Variants in NTRK3 observed in about 807,000 individuals in gnomAD.
NTRK3 encodes NT-3 growth factor receptor.
A neutral mutation model predicts 91.7 loss-of-function variants in NTRK3; 24 were observed. That is an observed-to-expected ratio of 0.26 (90% CI 0.19 to 0.37). The LOEUF (loss-of-function observed/expected upper bound fraction) is 0.37, where lower values mean the gene tolerates loss of function less well. Ranked by LOEUF, NTRK3 falls within the 10% of genes least tolerant of loss-of-function variation. The pLI is 1.00. For missense variants in NTRK3, 880 were observed against 1,068.9 expected (o/e 0.82, Z 2.46); for synonymous variants, 483 against 404.0 (o/e 1.20, Z -2.34).
chr15:87,942,082 T>C (rs1478670036), intron 14 of NTRK3, among the ~76,000 whole-genome samples: 1 of 152,206 alleles, frequency 6.6e-6, no homozygotes, highest in African/African-American at 2.4e-5. Context: ...GTAGTGTTTT[T>C]TTGGTTTGGG....
chr15:88,240,053 GACAC>G lies in NTRK3; in HGVS notation c.248+15849_248+15852del, dbSNP rs74267908. Among the ~76,000 whole-genome samples the G allele has an allele frequency of 1.0e-4, 15 of 148,984 alleles. No homozygotes were observed. The highest frequency in any genetic ancestry group is 2.5e-4 in the African/African-American group (10 of 40,644). ...ATATACACACACAGCGACACACACA[GACAC>G]ACACACACACACACACAGGAACAAG... On this transcript the variant is annotated intron_variant, in intron 3 of 18. Coordinates refer to ENST00000394480, the Ensembl canonical transcript of NTRK3. The surrounding 1 kb of genome is among the most constrained non-coding windows in gnomAD (Gnocchi z 4.9).
At chr15:87,908,458 C>A in intron 17 of NTRK3, 1 of 399,946 alleles carries the variant, frequency 2.5e-6, no homozygotes, top group Non-Finnish European at 4.4e-6. Context: ...CTGCCCAGCC[C>A]CCTGGCCCCA....
intron 14 of NTRK3, among the ~76,000 whole-genome samples, chr15:87,975,218 TC>T (rs988489564): frequency 6.6e-6 from 1 of 152,112 alleles, no homozygotes; most frequent in African/African-American, 2.4e-5. Context: ...AGTAAAAAAG[TC>T]CAGCCTCTCC....
intron 14 of NTRK3, among the ~76,000 whole-genome samples, chr15:87,977,069 T>C (rs1264105722): frequency 6.6e-6 from 1 of 152,190 alleles, no homozygotes; most frequent in African/African-American, 2.4e-5. Context: ...GATTTGAATC[T>C]TGCTTTCACC....
intron 14 of NTRK3, among the ~76,000 whole-genome samples, chr15:87,996,359 C>T (rs1009914335): frequency 6.6e-6 from 1 of 152,102 alleles, no homozygotes; most frequent in African/African-American, 2.4e-5. Context: ...TAAACGGTGA[C>T]AGTACCATCC....
intron 4 of NTRK3, 80 bp from the exon 5 acceptor site, chr15:88,183,569 G>A (rs1221715531): frequency 5.9e-6 from 8 of 1,344,668 alleles, no homozygotes; most frequent in Non-Finnish European, 8.5e-6. Flanking sequence ...GGCAGGGGGT[G>A]AGGCTAAGGC....
intron 5 of NTRK3, among the ~76,000 whole-genome samples, chr15:88,158,045 C>T (rs1445610824): frequency 6.6e-6 from 1 of 152,214 alleles, no homozygotes; most frequent in Non-Finnish European, 1.5e-5. Context: ...ACTGCTGCCT[C>T]CATGCCCTGT....
chr15:88,038,786 T>A (rs573076013), intron 13 of NTRK3, among the ~76,000 whole-genome samples: 1 of 148,534 alleles, frequency 6.7e-6, no homozygotes, highest in East Asian at 2.1e-4. Flanking sequence ...TTTCCAAACA[T>A]CCCCTGTGGT....
At chr15:87,973,953 G>T (rs886114162) in intron 14 of NTRK3, among the ~76,000 whole-genome samples, 1 of 152,134 alleles carries the variant, frequency 6.6e-6, no homozygotes, top group Non-Finnish European at 1.5e-5. Flanking sequence ...CAAAGGCTCC[G>T]GCTCTTTGCC....
rs1199105982 is a variant in NTRK3, at chr15:88,032,945, G to A, written c.1497C>T (p.Asp499=). The A allele has an allele frequency of 3.7e-6, 6 of 1,613,366 alleles. No individual in the cohort carries two copies. In the African/African-American group the frequency reaches 8.0e-5, roughly 22 times the overall value. Residue 499 remains aspartate (D), a synonymous_variant, in exon 14 of 19, where the codon GAC becomes GAT. Coordinates refer to ENST00000394480, the Ensembl canonical transcript of NTRK3. ...TGCGAGTCATGCCAATGACCACAGT[G>A]TCGGGCCCGGCATCCAGTGACGAGG...
intron 17 of NTRK3, among the ~76,000 whole-genome samples, chr15:87,909,987 C>T (rs1298237217): frequency 3.3e-5 from 5 of 152,114 alleles, no homozygotes; most frequent in African/African-American, 7.2e-5. Flanking sequence ...TATGGCAGCC[C>T]GAACAAATGA....
chr15:87,981,237 G>T, intron 14 of NTRK3: 1 of 1,588,284 alleles, frequency 6.3e-7, no homozygotes, highest in East Asian at 2.3e-5. Flanking sequence ...ATGTGACCTT[G>T]GGTAAGACAC....
chr15:88,148,293 T>C (rs1467094137), intron 5 of NTRK3, among the ~76,000 whole-genome samples: 1 of 152,224 alleles, frequency 6.6e-6, no homozygotes, highest in Non-Finnish European at 1.5e-5. Context: ...CTACAACAAA[T>C]ATTTATTGAG....
At chr15:87,964,293 G>C (rs2072589266) in intron 14 of NTRK3, among the ~76,000 whole-genome samples, 1 of 151,842 alleles carries the variant, frequency 6.6e-6, no homozygotes, top group Non-Finnish European at 1.5e-5. Context: ...TCATTTTATA[G>C]ACAGATAGAT....
At chr15:87,958,742 C>CAGGGG (rs1314072541) in intron 14 of NTRK3, among the ~76,000 whole-genome samples, 5 of 152,086 alleles carry the variant, frequency 3.3e-5, no homozygotes, top group African/African-American at 1.2e-4. Flanking sequence ...ACGAGGCTCT[C>CAGGGG]TCACCTGGGC....
At chr15:88,097,795 T>C (rs2049775352) in intron 13 of NTRK3, among the ~76,000 whole-genome samples, 2 of 152,214 alleles carry the variant, frequency 1.3e-5, no homozygotes, top group South Asian at 2.1e-4. Flanking sequence ...CAAAATTGCA[T>C]CTACAGCATG....
At chr15:87,891,810 G>T (rs747442848) in intron 17 of NTRK3, among the ~76,000 whole-genome samples, 2 of 152,168 alleles carry the variant, frequency 1.3e-5, no homozygotes, top group Non-Finnish European at 2.9e-5. Context: ...TATACCTCAT[G>T]TTATCCATAC....
intron 3 of NTRK3, among the ~76,000 whole-genome samples, chr15:88,206,202 G>T (rs1425046909): frequency 1.3e-5 from 2 of 149,464 alleles, no homozygotes; most frequent in East Asian, 2.0e-4. Context: ...AAAATTAGCC[G>T]GGCGAGGTGG....
intron 13 of NTRK3, among the ~76,000 whole-genome samples, chr15:88,084,870 C>T (rs2048359783): frequency 6.6e-6 from 1 of 152,188 alleles, no homozygotes; most frequent in African/African-American, 2.4e-5. Flanking sequence ...TCTGGACAGC[C>T]ACATCCTCCC....
Sources: allele counts gnomAD v4.1 joint callset (sites outside exome capture counted in the v4.1 genomes callset), GRCh38; gene constraint gnomAD v4.1.1; non-coding constraint Gnocchi (gnomAD v3.1); transcripts MANE v1.5; gene names NCBI Gene and HGNC (gene_info 2026-07-23, HGNC 2026-07-21).